The following MSRA variants were observed in gnomAD, a reference collection of about 807,000 sequenced individuals.
MSRA encodes the protein methionine sulfoxide reductase A.
In MSRA, 54 loss-of-function variants were observed where a neutral mutation model predicts 31.3. The observed-to-expected ratio is 1.73, with a 90% confidence interval of 1.39 to 2.17. The LOEUF (loss-of-function observed/expected upper bound fraction) is 2.17. Ranked by LOEUF, MSRA falls within the 30% of genes most tolerant of loss-of-function variation. The probability of loss-of-function intolerance (pLI) is 0.00; values close to 1 mark genes in which losing one functional copy is unlikely to be tolerated. For synonymous variants in MSRA, 169 were observed against 116.5 expected (o/e 1.45, Z -2.90); for missense variants, 507 against 300.9 (o/e 1.69, Z -5.07).
chr8:10,341,583 G>C (rs1024747392), intron 5 of MSRA, among the ~76,000 whole-genome samples: 1 of 152,140 alleles, frequency 6.6e-6, no homozygotes, highest in South Asian at 2.1e-4. Flanking sequence ...TTCATACAGC[G>C]CTGGGCTTGG....
intron 5 of MSRA, among the ~76,000 whole-genome samples, chr8:10,427,567 C>G (rs1272443553): frequency 6.6e-6 from 1 of 152,166 alleles, no homozygotes; most frequent in Non-Finnish European, 1.5e-5. Flanking sequence ...CCAGCAGGGT[C>G]CTTCTCCCCA....
chr8:10,112,266 A>C (rs1174252325), intron 1 of MSRA, among the ~76,000 whole-genome samples: 1 of 152,228 alleles, frequency 6.6e-6, no homozygotes, highest in African/African-American at 2.4e-5. Context: ...TCATTAGAAA[A>C]GAGACTGACC....
intron 5 of MSRA, among the ~76,000 whole-genome samples, chr8:10,328,437 T>G (rs999508554): frequency 1.3e-5 from 2 of 152,004 alleles, no homozygotes; most frequent in African/African-American, 4.8e-5. Context: ...TTCTCTCACG[T>G]TCACTCTCAT....
chr8:10,283,830 T>TAC (rs1170038638), intron 3 of MSRA, among the ~76,000 whole-genome samples: 68 of 65,326 alleles, frequency 1.0e-3, no homozygotes, highest in Middle Eastern at 6.8e-3. Context: ...TATATATATA[T>TAC]ATATATACAC....
chr8:10,314,151 C>G (rs182370276), intron 4 of MSRA, among the ~76,000 whole-genome samples: 4 of 152,076 alleles, frequency 2.6e-5, no homozygotes, highest in Admixed American at 2.0e-4. Context: ...ACAAATTTAA[C>G]TATATCAAAA....
chr8:10,284,215 G>A lies in MSRA; in HGVS notation c.332-17319G>A, dbSNP rs577628283. On this transcript the variant is annotated intron_variant, in intron 3 of 5. Coordinates refer to ENST00000317173, the MANE Select transcript of MSRA (RefSeq NM_012331.5). ...TATTATTACTTTTTTTTGAGACAGA[G>A]TTTTACTCTTGTTCCCGGGATGGAG... is the stretch of plus-strand genomic sequence containing the variant. Among the ~76,000 whole-genome samples the A allele has an allele frequency of 7.9e-5, 12 of 152,166 alleles. No homozygotes were observed. The South Asian group carries it at 1.5e-3, about 18-fold the overall frequency.
chr8:10,146,352 A>G (rs1803146262), intron 1 of MSRA, among the ~76,000 whole-genome samples: 2 of 152,182 alleles, frequency 1.3e-5, no homozygotes, highest in Non-Finnish European at 2.9e-5. Context: ...TAAAAGAAAG[A>G]CATCCCCAGA....
chr8:10,060,035 A>G (rs560534199), intron 1 of MSRA, among the ~76,000 whole-genome samples: 1 of 152,302 alleles, frequency 6.6e-6, no homozygotes, highest in African/African-American at 2.4e-5. Context: ...CTCAACTCCT[A>G]TGGAAGGCAA....
chr8:10,130,012 G>T (rs939447045), intron 1 of MSRA, among the ~76,000 whole-genome samples: 3 of 152,190 alleles, frequency 2.0e-5, no homozygotes, highest in African/African-American at 7.2e-5. Context: ...CCATATGCTA[G>T]CAGTACCTAC....
chr8:10,376,606 G>GT (rs1377525231), intron 5 of MSRA, among the ~76,000 whole-genome samples: 2 of 152,166 alleles, frequency 1.3e-5, no homozygotes, highest in Admixed American at 1.3e-4. Context: ...CTGACACACA[G>GT]TAAGTGCTTA....
At chr8:10,301,426 C>A in intron 3 of MSRA, 108 bp from the exon 4 acceptor site, 1 of 769,332 alleles carries the variant, frequency 1.3e-6, no homozygotes, top group Non-Finnish European at 2.2e-6. Context: ...ATTCTTCCTT[C>A]ACAGGGTAGA....
At chr8:10,389,514 A>G (rs1806600281) in intron 5 of MSRA, among the ~76,000 whole-genome samples, 2 of 152,234 alleles carry the variant, frequency 1.3e-5, no homozygotes, top group Non-Finnish European at 2.9e-5. Flanking sequence ...TACTTCAGTA[A>G]TCAAATTATT....
chr8:10,294,591 G>C (rs1407323316), intron 3 of MSRA, among the ~76,000 whole-genome samples: 1 of 152,168 alleles, frequency 6.6e-6, no homozygotes, highest in South Asian at 2.1e-4. Flanking sequence ...ATGCTCCTTT[G>C]GTCTGGGTGG....
At chr8:10,317,656 C>A (rs931407859) in intron 4 of MSRA, among the ~76,000 whole-genome samples, 3 of 152,140 alleles carry the variant, frequency 2.0e-5, no homozygotes, top group African/African-American at 7.2e-5. Context: ...TGTTTCTGAG[C>A]CAGTAATTCT....
chr8:10,364,832 C>T (rs1232121269), intron 5 of MSRA, among the ~76,000 whole-genome samples: 1 of 152,150 alleles, frequency 6.6e-6, no homozygotes, highest in Non-Finnish European at 1.5e-5. Flanking sequence ...GGGAAATCCC[C>T]GGATGTAGAA....
At chr8:10,337,660 C>T (rs533809158) in intron 5 of MSRA, 36 of 695,136 alleles carry the variant, frequency 5.2e-5, no homozygotes, top group East Asian at 1.9e-4. Context: ...TAGTGTCATC[C>T]GGTGAATGAT....
chr8:10,356,356 C>G (rs532683826), intron 5 of MSRA, among the ~76,000 whole-genome samples: 1 of 152,296 alleles, frequency 6.6e-6, no homozygotes, highest in East Asian at 1.9e-4. Context: ...TTTATGTAAG[C>G]CAAACAACCT....
intron 5 of MSRA, among the ~76,000 whole-genome samples, chr8:10,387,242 A>G (rs1038474173): frequency 2.5e-4 from 38 of 152,248 alleles, no homozygotes; most frequent in Admixed American, 9.8e-4. Context: ...CAAAATCTCT[A>G]TTTGAACAGT....
intron 1 of MSRA, among the ~76,000 whole-genome samples, chr8:10,173,477 A>G (rs549296424): frequency 6.6e-6 from 1 of 152,316 alleles, no homozygotes; most frequent in Admixed American, 6.5e-5. Flanking sequence ...ATACTGGGCC[A>G]AGTCTTCTTT....
Sources: gnomAD v4.1 joint callset for allele counts (sites outside exome capture counted in the v4.1 genomes callset) on GRCh38, gnomAD v4.1.1 for gene constraint, MANE v1.5 for transcripts, NCBI Gene and HGNC (gene_info 2026-07-23, HGNC 2026-07-21) for gene names.